The following FAM20C variants were observed in gnomAD, a reference collection of about 807,000 sequenced individuals.
The protein encoded by FAM20C is extracellular serine/threonine protein kinase FAM20C.
FAM20C carries 40 observed loss-of-function variants against 51.5 expected under a neutral mutation model. The observed-to-expected ratio is 0.78, with a 90% CI of 0.60 to 1.01. The LOEUF (loss-of-function observed/expected upper bound fraction) is 1.01. Among genes scored for constraint, FAM20C ranks in the 50% least tolerant of loss-of-function variants. The pLI is 0.00. For synonymous variants in FAM20C, 406 were observed against 380.6 expected (o/e 1.07, Z -0.78); for missense variants, 861 against 844.7 (o/e 1.02, Z -0.24).
chr7:248,703 CCGCA>C, intron 5 of FAM20C, among the ~76,000 whole-genome samples: 1 of 147,330 alleles, frequency 6.8e-6, no homozygotes, highest in Non-Finnish European at 1.5e-5. Flanking sequence ...GCACGGGGGC[CCGCA>C]TTCATCTCTC....
At position 204,298 on chromosome 7, in the gene FAM20C, G is replaced by A. The variant is rs920250536; in HGVS notation, c.785-4600G>A. ...AGCTGCTGGCCCGCCTGAGGCTGGC[G>A]TTCAGGTTCTGTGCAGTGTTTTGGA... On this transcript the variant is annotated intron_variant, in intron 2 of 9. Coordinates refer to ENST00000313766, the MANE Select transcript of FAM20C (RefSeq NM_020223.4). Among the ~76,000 whole-genome samples the A allele has an allele frequency of 3.7e-4, 57 of 152,376 alleles. No individual in the cohort carries two copies. In the Middle Eastern group the frequency reaches 0.014, roughly 36 times the overall value.
At chr7:253,602 T>TTCCTTGTGTAATTCCCGC (rs1562397957) in intron 5 of FAM20C, among the ~76,000 whole-genome samples, 1 of 139,116 alleles carries the variant, frequency 7.2e-6, no homozygotes, top group South Asian at 2.1e-4. Flanking sequence ...CTGCCTCCCG[T>TTCCTTGTGTAATTCCCGC]GGCTTCTTTG....
At position 192,798 on chromosome 7, in the gene FAM20C, C is replaced by T. The variant is rs1416161283; in HGVS notation, c.-402C>T. 2.0e-5 allele frequency among the ~76,000 whole-genome samples: 3 copies of T among 147,002 alleles called. No individual in the cohort carries two copies. Among genetic ancestry groups the T allele is most frequent in the Admixed American group, 6.7e-5 (1 of 14,888 alleles). ...AGCGCGCTGAGGATCGGGACGCCTG[C>T]GGCCGCCGCCACCGCCCAGGCCCGT... On this transcript the variant is annotated 5_prime_UTR_variant, in exon 1 of 10. Transcript: ENST00000313766.
chr7:214,539 G>T (rs761425640), intron 3 of FAM20C, among the ~76,000 whole-genome samples: 1 of 152,222 alleles, frequency 6.6e-6, no homozygotes, highest in East Asian at 1.9e-4. Context: ...TCAGCGGAAC[G>T]GTGCGGCTTT....
chr7:211,844 G>T lies in FAM20C; in HGVS notation c.863+2868G>T, dbSNP rs374757973. On this transcript the variant is annotated intron_variant, in intron 3 of 9. Transcript: ENST00000313766. ...GGGACTCCGTCTTCCCACAGGGCACGTGGCGGGCGGAGGCAGGGACCCCAC... is the reference window on the plus strand; with the variant it reads ...GGGACTCCGTCTTCCCACAGGGCACTTGGCGGGCGGAGGCAGGGACCCCAC... 9.8e-5 allele frequency among the ~76,000 whole-genome samples: 15 copies of T among 152,352 alleles called. No homozygotes were observed. The East Asian group carries it at 2.5e-3, about 25-fold the overall frequency.
chr7:236,966 C>T (rs996775205), intron 3 of FAM20C, among the ~76,000 whole-genome samples: 15 of 152,268 alleles, frequency 9.9e-5, no homozygotes, highest in East Asian at 1.9e-4. Context: ...GGACAGAAAG[C>T]GTGTCATCAC....
chr7:195,091 A>G (rs1016009524), intron 1 of FAM20C, among the ~76,000 whole-genome samples: 8 of 152,132 alleles, frequency 5.3e-5, no homozygotes, highest in Non-Finnish European at 8.8e-5. Flanking sequence ...AAAAGCAGAG[A>G]GCTGGGGAAG....
chr7:235,232 T>G lies in FAM20C; in HGVS notation c.864-11183T>G, dbSNP rs924635976. Among the ~76,000 whole-genome samples the G allele has an allele frequency of 5.3e-5, 8 of 152,102 alleles. 1 individual carries two copies. Among genetic ancestry groups the G allele is most frequent in the Admixed American group, 3.9e-4 (6 of 15,280 alleles). On this transcript the variant is annotated intron_variant, in intron 3 of 9. Transcript: ENST00000313766. ...CAAACTGTTTACACTGAGCCCAGGC[T>G]GTGGCATTTTCAAACTGTTTACACT...
At chr7:254,911 G>T (rs1253423667) in intron 5 of FAM20C, among the ~76,000 whole-genome samples, 1 of 151,058 alleles carries the variant, frequency 6.6e-6, no homozygotes, top group Admixed American at 6.6e-5. Context: ...GTTCAGTGAG[G>T]GCTTCATTCC....
At position 226,486 on chromosome 7, in the gene FAM20C, G is replaced by A. The variant is rs28733406; in HGVS notation, c.863+17510G>A. Among the ~76,000 whole-genome samples the A allele has an allele frequency of 1.3e-5, 2 of 152,014 alleles. 1 individual carries two copies. The highest frequency in any genetic ancestry group is 3.9e-4 in the East Asian group (2 of 5,190). On this transcript the variant is annotated intron_variant, in intron 3 of 9. Transcript: ENST00000313766. Reference sequence around the variant, plus strand: ...CGAGGGCCCAAGGCTCAGGGAGGAGGGAGTCGCTGTCCCGCAGCCACACGG... The same window carrying A: ...CGAGGGCCCAAGGCTCAGGGAGGAGAGAGTCGCTGTCCCGCAGCCACACGG...
chr7:226,568 C>T (rs1787458188), intron 3 of FAM20C, among the ~76,000 whole-genome samples: 1 of 152,116 alleles, frequency 6.6e-6, no homozygotes, highest in Non-Finnish European at 1.5e-5. Context: ...GGCCCCGATA[C>T]CAGGTGGTGT....
chr7:237,669 T>C (rs986652865), intron 3 of FAM20C, among the ~76,000 whole-genome samples: 5 of 147,994 alleles, frequency 3.4e-5, no homozygotes, highest in Non-Finnish European at 7.5e-5. Context: ...CTGATGGTGA[T>C]AGTGATGATA....
At chr7:256,105 G>T (rs1424465250) in intron 6 of FAM20C, 76 bp downstream of exon 6, 2 of 1,494,024 alleles carry the variant, frequency 1.3e-6, no homozygotes, top group Non-Finnish European at 1.8e-6. Flanking sequence ...GCATGGGAGG[G>T]TCGGCGCCCA....
At chr7:231,522 C>T (rs559915709) in intron 3 of FAM20C, among the ~76,000 whole-genome samples, 10 of 151,794 alleles carry the variant, frequency 6.6e-5, no homozygotes, top group African/African-American at 2.4e-4. Flanking sequence ...GAGGAGGGTC[C>T]TGGCGTGGAG....
chr7:243,803 A>G (rs1211197803), intron 3 of FAM20C, among the ~76,000 whole-genome samples: 1 of 152,162 alleles, frequency 6.6e-6, no homozygotes, highest in East Asian at 1.9e-4. Flanking sequence ...TGGATGTCCC[A>G]GGAGCTCAGT....
At chr7:248,174 A>C in intron 4 of FAM20C, 141 bp from the exon 5 acceptor site, 1 of 606,126 alleles carries the variant, frequency 1.6e-6, no homozygotes, top group Non-Finnish European at 2.9e-6. Context: ...GGCTGGGTTT[A>C]TTCGGAGGCA....
intron 3 of FAM20C, among the ~76,000 whole-genome samples, chr7:213,315 G>C (rs1271679922): frequency 6.6e-6 from 1 of 151,628 alleles, no homozygotes; most frequent in East Asian, 1.9e-4. Flanking sequence ...GGTCCTTTGT[G>C]AGTGACACGT....
At chr7:206,411 C>A (rs1786382230) in intron 2 of FAM20C, among the ~76,000 whole-genome samples, 1 of 151,924 alleles carries the variant, frequency 6.6e-6, no homozygotes, top group African/African-American at 2.4e-5. Context: ...CCCCCTGAGA[C>A]CTGCTGGCTC....
intron 5 of FAM20C, among the ~76,000 whole-genome samples, chr7:250,302 ATCC>A (rs2115156559): frequency 6.6e-6 from 1 of 152,264 alleles, no homozygotes; most frequent in African/African-American, 2.4e-5. Flanking sequence ...GCTCACCGAG[ATCC>A]TCATTTGCTT....
Sources: allele counts gnomAD v4.1 joint callset (sites outside exome capture counted in the v4.1 genomes callset), GRCh38; gene constraint gnomAD v4.1.1; transcripts MANE v1.5; gene names NCBI Gene and HGNC (gene_info 2026-07-23, HGNC 2026-07-21).